NOL4: variants seen among roughly 807,000 people sequenced by gnomAD.
NOL4 encodes cancer/testis antigen 125.
A neutral mutation model predicts 75.9 loss-of-function variants in NOL4; 17 were observed. That is an observed-to-expected ratio of 0.22 (90% CI 0.15 to 0.34). The LOEUF is 0.34. Among genes scored for constraint, NOL4 ranks in the 10% least tolerant of loss-of-function variants. The pLI is 1.00. For missense variants in NOL4, 614 were observed against 793.5 expected (o/e 0.77, Z 2.72); for synonymous variants, 292 against 289.9 (o/e 1.01, Z -0.07).
At chr18:33,996,195 T>C (rs967685496) in intron 6 of NOL4, among the ~76,000 whole-genome samples, 3 of 151,642 alleles carry the variant, frequency 2.0e-5, no homozygotes, top group Non-Finnish European at 3.0e-5. Context: ...TAGGGCCATT[T>C]AGAACGGAAA....
At chr18:33,957,280 TG>T (rs1163591830) in intron 8 of NOL4, 45 bp downstream of exon 8, 2 of 1,411,744 alleles carry the variant, frequency 1.4e-6, no homozygotes, top group Admixed American at 2.3e-5. Flanking sequence ...GGTTTACATG[TG>T]GGATTTTGAT....
intron 5 of NOL4, among the ~76,000 whole-genome samples, chr18:34,074,068 C>T (rs1217844303): frequency 6.6e-6 from 1 of 151,426 alleles, no homozygotes; most frequent in Non-Finnish European, 1.5e-5. Flanking sequence ...GAGGAAACAG[C>T]TAAAATATTT....
intron 1 of NOL4, among the ~76,000 whole-genome samples, chr18:34,203,130 A>G (rs2035853210): frequency 6.6e-6 from 1 of 152,106 alleles, no homozygotes; most frequent in Non-Finnish European, 1.5e-5. Context: ...ATTGAAACAA[A>G]TGAAAACTTC....
At chr18:34,196,371 G>C (rs1376347072) in intron 1 of NOL4, among the ~76,000 whole-genome samples, 3 of 152,114 alleles carry the variant, frequency 2.0e-5, no homozygotes, top group African/African-American at 2.4e-5. Context: ...GAAAATTGCT[G>C]ATCAGAGCCA....
chr18:33,905,933 A>G (rs1599821428), intron 9 of NOL4, among the ~76,000 whole-genome samples: 2 of 152,280 alleles, frequency 1.3e-5, no homozygotes, highest in Middle Eastern at 6.8e-3. Flanking sequence ...CAATTCCACA[A>G]GATTTTGGAA....
At chr18:33,991,936 G>C (rs1352734363) in intron 6 of NOL4, among the ~76,000 whole-genome samples, 1 of 148,050 alleles carries the variant, frequency 6.8e-6, no homozygotes, top group Non-Finnish European at 1.5e-5. Flanking sequence ...TGAAGTCCTA[G>C]GTTTTTGTAC....
chr18:34,083,717 C>T (rs773988072), intron 5 of NOL4, among the ~76,000 whole-genome samples: 5 of 152,146 alleles, frequency 3.3e-5, no homozygotes, highest in Non-Finnish European at 7.3e-5. Flanking sequence ...GTCTTTTATG[C>T]TGTCTTCTTA....
intron 1 of NOL4, among the ~76,000 whole-genome samples, chr18:34,165,867 T>C (rs1015826100): frequency 2.6e-5 from 4 of 152,006 alleles, no homozygotes; most frequent in African/African-American, 7.2e-5. Flanking sequence ...TTAAAATTGG[T>C]AAATAGGCTT....
chr18:34,072,288 A>G (rs1373726365), intron 5 of NOL4, among the ~76,000 whole-genome samples: 1 of 152,160 alleles, frequency 6.6e-6, no homozygotes, highest in Non-Finnish European at 1.5e-5. Flanking sequence ...AACCCTAATC[A>G]TAAGAAAACT....
chr18:33,957,746 T>A (rs1451277730), intron 7 of NOL4, among the ~76,000 whole-genome samples: 1 of 152,000 alleles, frequency 6.6e-6, no homozygotes, highest in Non-Finnish European at 1.5e-5. Flanking sequence ...CAGACAAACA[T>A]ACAGAAAAGA....
intron 5 of NOL4, among the ~76,000 whole-genome samples, chr18:34,042,418 T>C (rs1157132469): frequency 6.6e-6 from 1 of 152,074 alleles, no homozygotes; most frequent in Non-Finnish European, 1.5e-5. Context: ...CCTATCCCAA[T>C]TACAAATCCC....
At chr18:33,910,023 C>A (rs769072007) in intron 9 of NOL4, among the ~76,000 whole-genome samples, 1 of 152,098 alleles carries the variant, frequency 6.6e-6, no homozygotes, top group Non-Finnish European at 1.5e-5. Context: ...TGCATGTGTG[C>A]GTGTACATAT....
chr18:34,104,954 T>C, intron 3 of NOL4, 95 bp downstream of exon 3: 2 of 724,494 alleles, frequency 2.8e-6, no homozygotes, highest in African/African-American at 1.8e-5. Flanking sequence ...CTTGTTGAAC[T>C]GTTTCAGTCT....
chr18:33,946,082 G>A (rs1483540425), intron 8 of NOL4, among the ~76,000 whole-genome samples: 1 of 151,464 alleles, frequency 6.6e-6, no homozygotes, highest in African/African-American at 2.4e-5. Context: ...AAAAAAATAA[G>A]CAGAACAAAG....
chr18:33,882,041 C>G (rs911656013), intron 10 of NOL4, among the ~76,000 whole-genome samples: 1 of 151,994 alleles, frequency 6.6e-6, no homozygotes, highest in Admixed American at 6.6e-5. Flanking sequence ...TTACACCTTA[C>G]ACAAAAATAA....
chr18:34,049,731 T>C (rs2076550104), intron 5 of NOL4, among the ~76,000 whole-genome samples: 1 of 152,118 alleles, frequency 6.6e-6, no homozygotes, highest in Admixed American at 6.6e-5. Flanking sequence ...CCACTGTCTG[T>C]AATTATTCTC....
intron 1 of NOL4, among the ~76,000 whole-genome samples, chr18:34,179,498 C>A (rs4609921): frequency 0.46 from 69,936 of 150,844 alleles, 16,308 homozygotes; most frequent in Admixed American, 0.54. Flanking sequence ...AGAAAATACT[C>A]AAATTACTAA....
chr18:34,175,865 A>G (rs1269605257), intron 1 of NOL4, among the ~76,000 whole-genome samples: 4 of 152,136 alleles, frequency 2.6e-5, no homozygotes, highest in Admixed American at 2.6e-4. Flanking sequence ...TCTTGGGGAG[A>G]GACAAGAATC....
intron 6 of NOL4, among the ~76,000 whole-genome samples, chr18:34,013,219 T>C (rs1323522670): frequency 6.6e-6 from 1 of 151,994 alleles, no homozygotes; most frequent in Non-Finnish European, 1.5e-5. Flanking sequence ...AAGTTTCTTT[T>C]ATACTCTCCA....
Sources: allele counts gnomAD v4.1 joint callset (sites outside exome capture counted in the v4.1 genomes callset), GRCh38; gene constraint gnomAD v4.1.1; transcripts MANE v1.5; gene names NCBI Gene and HGNC (gene_info 2026-07-23, HGNC 2026-07-21).